UBE3D: variants seen among roughly 807,000 people sequenced by gnomAD.
UBE3D encodes ubiquitin protein ligase E3D.
In UBE3D, 48 loss-of-function variants were observed where a neutral mutation model predicts 49.6. That is an observed-to-expected ratio of 0.97 (90% CI 0.77 to 1.23). The LOEUF is 1.23. Ranked by LOEUF, UBE3D falls within the 50% of genes most tolerant of loss-of-function variation. The probability of loss-of-function intolerance (pLI) is 0.00; values close to 1 mark genes in which losing one functional copy is unlikely to be tolerated. For synonymous variants in UBE3D, 189 were observed against 174.2 expected (o/e 1.08, Z -0.67); for missense variants, 452 against 468.4 (o/e 0.96, Z 0.32).
intron 8 of UBE3D, among the ~76,000 whole-genome samples, chr6:82,965,298 T>C (rs1008759497): frequency 2.6e-5 from 4 of 152,136 alleles, no homozygotes; most frequent in Admixed American, 2.0e-4. Flanking sequence ...AACACTTTCA[T>C]TAAAGAAGAG....
intron 9 of UBE3D, among the ~76,000 whole-genome samples, chr6:82,936,116 A>T (rs1774554875): frequency 6.6e-6 from 1 of 152,180 alleles, no homozygotes; most frequent in Non-Finnish European, 1.5e-5. Context: ...TGCTTGTTTA[A>T]AAAAGGTAAA....
chr6:83,037,637 A>T (rs1782357469), intron 5 of UBE3D: 1 of 152,234 alleles, frequency 6.6e-6, no homozygotes, highest in African/African-American at 2.4e-5. Context: ...CTTAAGTACA[A>T]TTGCTTCATG....
At chr6:83,061,134 T>C (rs1369605242) in intron 1 of UBE3D, among the ~76,000 whole-genome samples, 3 of 152,154 alleles carry the variant, frequency 2.0e-5, no homozygotes, top group Non-Finnish European at 2.9e-5. Flanking sequence ...CTGCCAAAGA[T>C]GCAAAATCTG....
At chr6:82,927,323 A>G (rs1773831348) in intron 9 of UBE3D, among the ~76,000 whole-genome samples, 1 of 150,622 alleles carries the variant, frequency 6.6e-6, no homozygotes, top group Non-Finnish European at 1.5e-5. Context: ...CTCCTTCAAT[A>G]TTGTGTTGGC....
intron 1 of UBE3D, among the ~76,000 whole-genome samples, chr6:83,063,539 A>G (rs1784313042): frequency 6.6e-6 from 1 of 152,264 alleles, no homozygotes; most frequent in East Asian, 1.9e-4. Context: ...AAGAACTCTC[A>G]ATTAAACAAG....
chr6:82,938,804 A>G (rs1310380871), intron 9 of UBE3D: 7 of 152,064 alleles, frequency 4.6e-5, no homozygotes, highest in Non-Finnish European at 1.0e-4. Context: ...TTGAATCGGA[A>G]TCTCTCTGGC....
Position 83,044,623 on chromosome 6 carries a change from G to A in UBE3D, c.402C>T (p.Asn134=). 1 of 1,614,112 alleles carries A rather than the reference G, an allele frequency of 6.2e-7. No homozygotes were observed. The highest frequency in any genetic ancestry group is 8.5e-7 in the Non-Finnish European group (1 of 1,179,968). The change falls in exon 4 of 10, where the codon AAC becomes AAT. Residue 134 remains asparagine, a synonymous_variant. Transcript: ENST00000369747. ...LLRVLPLPSE[N]WGALVGEWCC... is the part of the protein sequence containing the mutation. Reference sequence around the variant, plus strand: ...ACCATTCTCCAACTAGAGCTCCCCAGTTCTCACTCGGCAGTGGGAGCACCC... The same window carrying A: ...ACCATTCTCCAACTAGAGCTCCCCAATTCTCACTCGGCAGTGGGAGCACCC...
intron 8 of UBE3D, among the ~76,000 whole-genome samples, chr6:82,961,618 C>A (rs531083321): frequency 1.7e-4 from 26 of 152,186 alleles, no homozygotes; most frequent in Non-Finnish European, 3.4e-4. Context: ...CCAAGCAAAC[C>A]ATAAGTAGGA....
intron 8 of UBE3D, among the ~76,000 whole-genome samples, chr6:82,965,354 C>A (rs1481702349): frequency 6.6e-6 from 1 of 151,968 alleles, no homozygotes. Context: ...GAGGCCGAGG[C>A]CAGTGGATCA....
At chr6:83,055,946 C>A (rs978831281) in intron 2 of UBE3D, among the ~76,000 whole-genome samples, 1 of 152,134 alleles carries the variant, frequency 6.6e-6, no homozygotes, top group African/African-American at 2.4e-5. Context: ...AGCACTCAGG[C>A]AATTAAGTGC....
chr6:82,967,431 C>G (rs1365875242), intron 8 of UBE3D, among the ~76,000 whole-genome samples: 1 of 151,918 alleles, frequency 6.6e-6, no homozygotes, highest in Non-Finnish European at 1.5e-5. Context: ...ACGAGCATCT[C>G]TTAAGATAAC....
At chr6:82,937,840 C>T (rs1774701371) in intron 9 of UBE3D, among the ~76,000 whole-genome samples, 1 of 152,072 alleles carries the variant, frequency 6.6e-6, no homozygotes, top group Non-Finnish European at 1.5e-5. Flanking sequence ...TACTAGCCTC[C>T]ACATGAAAGA....
At chr6:82,893,095 G>A in intron 9 of UBE3D, 53 bp from the exon 10 acceptor site, 1 of 1,602,510 alleles carries the variant, frequency 6.2e-7, no homozygotes, top group East Asian at 2.2e-5. Context: ...ATGACAAAAT[G>A]GCTGCATGTA....
chr6:82,940,265 C>T (rs1308348858), intron 9 of UBE3D, among the ~76,000 whole-genome samples: 1 of 152,168 alleles, frequency 6.6e-6, no homozygotes, highest in Admixed American at 6.5e-5. Flanking sequence ...CTGCTTATTT[C>T]CCCAGACCAC....
At chr6:82,987,249 A>G (rs1249155099) in intron 8 of UBE3D, among the ~76,000 whole-genome samples, 1 of 152,134 alleles carries the variant, frequency 6.6e-6, no homozygotes, top group African/African-American at 2.4e-5. Flanking sequence ...CCTGGCCTCA[A>G]GTAATCCTTC....
At chr6:82,972,198 C>T (rs891696466) in intron 8 of UBE3D, among the ~76,000 whole-genome samples, 1 of 152,220 alleles carries the variant, frequency 6.6e-6, no homozygotes, top group Non-Finnish European at 1.5e-5. Flanking sequence ...TCCCTTTATA[C>T]CTCTTCCCAA....
intron 9 of UBE3D, among the ~76,000 whole-genome samples, chr6:82,905,306 C>A (rs1772020433): frequency 1.3e-5 from 2 of 152,220 alleles, no homozygotes; most frequent in South Asian, 4.1e-4. Flanking sequence ...TTTGGTAATT[C>A]TCTCAATATT....
intron 9 of UBE3D, among the ~76,000 whole-genome samples, chr6:82,923,187 G>T (rs1436622418): frequency 2.0e-5 from 3 of 152,170 alleles, no homozygotes; most frequent in African/African-American, 4.8e-5. Context: ...AATACTATTT[G>T]ACCCAGCAAT....
At chr6:82,941,954 G>T (rs1185173606) in intron 9 of UBE3D, among the ~76,000 whole-genome samples, 5 of 152,162 alleles carry the variant, frequency 3.3e-5, no homozygotes, top group Admixed American at 1.3e-4. Context: ...TAGTAAACTG[G>T]TACCAGTAGA....
Sources: allele counts gnomAD v4.1 joint callset (sites outside exome capture counted in the v4.1 genomes callset), GRCh38; gene constraint gnomAD v4.1.1; transcripts MANE v1.5; gene names NCBI Gene and HGNC (gene_info 2026-07-23, HGNC 2026-07-21).